ATP11B: variants seen among roughly 807,000 people sequenced by gnomAD.
ATP11B encodes ATPase phospholipid transporting 11B (putative).
In ATP11B, 81 loss-of-function variants were observed where a neutral mutation model predicts 157.8. The ratio of observed to expected loss-of-function variants is 0.51; its 90% CI spans 0.43 to 0.62. The LOEUF (loss-of-function observed/expected upper bound fraction) is 0.62, where lower values mean the gene tolerates loss of function less well. Ranked by LOEUF, ATP11B falls within the 20% of genes least tolerant of loss-of-function variation. ATP11B has a pLI of 0.00. For synonymous variants in ATP11B, 451 were observed against 469.4 expected (o/e 0.96, Z 0.51); for missense variants, 1,165 against 1,402.2 (o/e 0.83, Z 2.70).
Position 182,898,608 on chromosome 3 carries a change from C to A in ATP11B, c.3154C>A (p.Pro1052Thr), listed in dbSNP as rs777840897. The A allele has an allele frequency of 6.3e-7, 1 of 1,584,772 alleles. No homozygotes were observed. Among genetic ancestry groups the A allele is most frequent in the Admixed American group, 1.8e-5 (1 of 55,510 alleles). ...TAAGCACATTTTCTTTCTTTGCAGGCCATTTTTGGGCTCCCAGAATATGTA... is the reference window on the plus strand; with the variant it reads ...TAAGCACATTTTCTTTCTTTGCAGGACATTTTTGGGCTCCCAGAATATGTA... ...FSLFYGGILW[P>T]FLGSQNMYFV... The change falls in exon 28 of 30, where the codon CCA (proline) becomes ACA (threonine). Residue 1052 changes from proline to threonine, a missense_variant and splice_region_variant. Transcript: ENST00000323116.
rs1394929080 is a variant in ATP11B at position 182,886,029 on chromosome 3, G to C, written c.2715+19G>C. 3 of 1,433,342 alleles carry C rather than the reference G, an allele frequency of 2.1e-6. No individual in the cohort carries two copies. Among genetic ancestry groups the C allele is most frequent in the Non-Finnish European group, 2.8e-6 (3 of 1,083,254 alleles). 88.8% of individuals were successfully genotyped at this position (1,433,342 alleles called of 1,614,324 possible). A position where few individuals can be genotyped will look rare whatever the true frequency, so the allele number is the denominator to read the frequency against. ...TCAGCAAGTAAGTAAATAGAAACTT[G>C]TGTTTTGTGTTTTGTCCTTTTAGAG... On this transcript the variant is annotated intron_variant, in intron 23 of 29. Coordinates refer to ENST00000323116, the MANE Select transcript of ATP11B (RefSeq NM_014616.3).
chr3:182,821,031 A>G (rs781138327), intron 2 of ATP11B, among the ~76,000 whole-genome samples: 10 of 152,212 alleles, frequency 6.6e-5, no homozygotes, highest in Non-Finnish European at 1.2e-4. Context: ...AGTTTCCTCA[A>G]TTGAAGTCCT....
At chr3:182,803,718 G>A (rs898011631) in intron 1 of ATP11B, among the ~76,000 whole-genome samples, 3 of 152,164 alleles carry the variant, frequency 2.0e-5, no homozygotes. Flanking sequence ...ATAGAAAGTT[G>A]TGTCAATGCT....
In ATP11B at chr3:182,841,873, G is replaced by A. The variant is rs978765016; in HGVS notation, c.657-202G>A. On this transcript the variant is annotated intron_variant, in intron 7 of 29. Coordinates refer to ENST00000323116, the MANE Select transcript of ATP11B (RefSeq NM_014616.3). Reference sequence around the variant, plus strand: ...GGGCACGTGTAGTCCCAGCTACTCGGGAGACTGAGGCAGGAGAATGGCATG... The same window carrying A: ...GGGCACGTGTAGTCCCAGCTACTCGAGAGACTGAGGCAGGAGAATGGCATG... Among the ~76,000 whole-genome samples the A allele has an allele frequency of 3.0e-4, 45 of 151,342 alleles. 1 individual carries two copies. The highest frequency in any genetic ancestry group is 1.0e-3 in the African/African-American group (42 of 41,068).
chr3:182,907,960 C>T (rs1203511118), intron 28 of ATP11B, among the ~76,000 whole-genome samples: 2 of 152,098 alleles, frequency 1.3e-5, no homozygotes, highest in Admixed American at 6.6e-5. Context: ...AGTGAATTCT[C>T]TCTTACAGCC....
chr3:182,874,636 A>G (rs961863712), intron 19 of ATP11B, among the ~76,000 whole-genome samples: 2 of 152,208 alleles, frequency 1.3e-5, no homozygotes, highest in African/African-American at 4.8e-5. Flanking sequence ...TGAATTATAA[A>G]TCTCATTACA....
chr3:182,819,079 CTT>C (rs11398702), intron 1 of ATP11B, among the ~76,000 whole-genome samples: 13 of 135,194 alleles, frequency 9.6e-5, no homozygotes, highest in South Asian at 2.3e-4. Context: ...TCTAATATTT[CTT>C]TTTTTTTTTT....
At chr3:182,825,607 C>T (rs1717662428) in intron 2 of ATP11B, among the ~76,000 whole-genome samples, 1 of 151,896 alleles carries the variant, frequency 6.6e-6, no homozygotes, top group African/African-American at 2.4e-5. Flanking sequence ...CCTGTAGTCC[C>T]AGCTACTTGG....
intron 28 of ATP11B, among the ~76,000 whole-genome samples, chr3:182,904,501 A>G (rs1305926225): frequency 6.6e-6 from 1 of 152,246 alleles, no homozygotes; most frequent in African/African-American, 2.4e-5. Flanking sequence ...GATCCATAAT[A>G]GCGTAACTAT....
chr3:182,889,664 A>ATTT, intron 25 of ATP11B, 116 bp downstream of exon 25: 1 of 959,192 alleles, frequency 1.0e-6, no homozygotes, highest in African/African-American at 1.8e-5. Context: ...TAAAATGCAA[A>ATTT]TATAAAAAGG....
At chr3:182,878,809 C>T (rs569670500) in intron 19 of ATP11B, among the ~76,000 whole-genome samples, 6 of 152,074 alleles carry the variant, frequency 3.9e-5, no homozygotes, top group Non-Finnish European at 5.9e-5. Context: ...TTTTCCTGAA[C>T]ATCTTGATTT....
chr3:182,908,864 CTCT>C (rs1006737066), intron 28 of ATP11B, among the ~76,000 whole-genome samples: 1 of 152,132 alleles, frequency 6.6e-6, no homozygotes, highest in African/African-American at 2.4e-5. Context: ...AAACACAAAC[CTCT>C]TCTTTTTTCA....
intron 4 of ATP11B, among the ~76,000 whole-genome samples, chr3:182,833,172 T>C (rs1718282264): frequency 6.6e-6 from 1 of 152,104 alleles, no homozygotes; most frequent in Non-Finnish European, 1.5e-5. Context: ...TTTTATCTCA[T>C]TTTCAATTTG....
At chr3:182,871,819 C>T (rs1185273080) in intron 17 of ATP11B, among the ~76,000 whole-genome samples, 1 of 145,372 alleles carries the variant, frequency 6.9e-6, no homozygotes, top group Non-Finnish European at 1.5e-5. Flanking sequence ...TTTTGAGCAA[C>T]TTTTTTTTTT....
chr3:182,794,946 C>A (rs73887025), intron 1 of ATP11B, among the ~76,000 whole-genome samples: 1 of 151,828 alleles, frequency 6.6e-6, no homozygotes, highest in African/African-American at 2.4e-5. Flanking sequence ...CCCTTCTGCT[C>A]TAGAAAAGCA....
At chr3:182,858,778 C>G (rs1720614701) in intron 11 of ATP11B, among the ~76,000 whole-genome samples, 1 of 152,108 alleles carries the variant, frequency 6.6e-6, no homozygotes, top group Non-Finnish European at 1.5e-5. Flanking sequence ...AAGTTACACT[C>G]AACTTTTAGT....
chr3:182,889,525 A>G lies in ATP11B; in HGVS notation c.2959A>G (p.Thr987Ala). Residue 987 changes from threonine (T) to alanine (A), a missense_variant, in exon 25 of 30, where the codon ACA becomes GCA. By Grantham distance (58) the Thr-to-Ala change is moderately conservative. This residue lies in a region of ATP11B where 303 missense variants were observed against 296.3 expected (regional missense o/e 1.02). Coordinates refer to ENST00000323116, the MANE Select transcript of ATP11B (RefSeq NM_014616.3). The part of the protein sequence containing the change: ...FGSYLLIGKD[T>A]SLLGNGQMFG... ...ATCCTATTTACTAATAGGGAAAGAT[A>G]CATCTCTGCTTGGAAATGGCCAGGT... The G allele has an allele frequency of 6.4e-7, 1 of 1,561,102 alleles. No homozygotes were observed. The highest frequency in any genetic ancestry group is 8.6e-7 in the Non-Finnish European group (1 of 1,162,494).
At chr3:182,835,508 T>C (rs1490472744) in intron 4 of ATP11B, among the ~76,000 whole-genome samples, 1 of 152,170 alleles carries the variant, frequency 6.6e-6, no homozygotes, top group Non-Finnish European at 1.5e-5. Context: ...GGTGATGTTA[T>C]TTGTCAAGAT....
intron 1 of ATP11B, among the ~76,000 whole-genome samples, chr3:182,816,908 T>A (rs1716998475): frequency 6.6e-6 from 1 of 152,238 alleles, no homozygotes; most frequent in Admixed American, 6.5e-5. Flanking sequence ...GTTTAATTTG[T>A]TGCAGCAAAG....
Sources: allele counts gnomAD v4.1 joint callset (sites outside exome capture counted in the v4.1 genomes callset), GRCh38; gene constraint gnomAD v4.1.1; regional missense constraint gnomAD v4.1.1; transcripts MANE v1.5; gene names NCBI Gene and HGNC (gene_info 2026-07-23, HGNC 2026-07-21).